The following TAF1B variants were observed in gnomAD, a reference collection of about 807,000 sequenced individuals.
The protein encoded by TAF1B is TATA-box binding protein associated factor, RNA polymerase I subunit B, also known as TATA box-binding protein-associated factor RNA polymerase I subunit B.
A neutral mutation model predicts 83.9 loss-of-function variants in TAF1B; 61 were observed. The ratio of observed to expected loss-of-function variants is 0.73; its 90% CI spans 0.59 to 0.90. The LOEUF (loss-of-function observed/expected upper bound fraction) is 0.90, where lower values mean the gene tolerates loss of function less well. Ranked by LOEUF, TAF1B falls within the 40% of genes least tolerant of loss-of-function variation. The pLI, the probability that TAF1B is intolerant of heterozygous loss-of-function variation, is 0.00. For synonymous variants in TAF1B, 221 were observed against 224.6 expected (o/e 0.98, Z 0.14); for missense variants, 625 against 677.0 (o/e 0.92, Z 0.85).
intron 4 of TAF1B, among the ~76,000 whole-genome samples, chr2:9,852,774 G>C (rs2125136151): frequency 6.6e-6 from 1 of 152,290 alleles, no homozygotes; most frequent in East Asian, 1.9e-4. Context: ...TTATAGGCAT[G>C]AGCCCCAGCA....
chr2:9,882,818 C>T lies in TAF1B; in HGVS notation c.807+13C>T, dbSNP rs1558248383. The T allele has an allele frequency of 5.8e-6, 9 of 1,555,384 alleles. No homozygotes were observed. The highest frequency in any genetic ancestry group is 7.9e-6 in the Non-Finnish European group (9 of 1,143,836). ...CTTTGGTATAGAGGTAAGTTATTTT[C>T]TTTTTTACTTTCTAGTCTCTGATAA... On this transcript the variant is annotated intron_variant, in intron 8 of 14. Transcript: ENST00000263663.
chr2:9,846,557 T>TA (rs1663213022), intron 2 of TAF1B, among the ~76,000 whole-genome samples: 2 of 152,368 alleles, frequency 1.3e-5, no homozygotes, highest in Non-Finnish European at 2.9e-5. Flanking sequence ...AGACCAGACT[T>TA]ACCTTTGTCC....
rs1356597225 is a variant in TAF1B at position 9,911,536 on chromosome 2, C to T, written c.1159C>T (p.His387Tyr). 4 of 1,519,520 alleles carry T rather than the reference C, an allele frequency of 2.6e-6. No homozygotes were observed. Among genetic ancestry groups the T allele is most frequent in the Non-Finnish European group, 3.5e-6 (4 of 1,126,936 alleles). 94.1% of individuals were successfully genotyped at this position (1,519,520 alleles called of 1,614,324 possible). A position where few individuals can be genotyped will look rare whatever the true frequency, so the allele number is the denominator to read the frequency against. The change falls in exon 11 of 15, where the codon CAT (histidine) becomes TAT (tyrosine). Residue 387 changes from histidine to tyrosine, a missense_variant. Physicochemically the swap from His to Tyr is moderately conservative, Grantham distance 83. Transcript: ENST00000263663. ...EWSLSNLAEKHNEKNKKDKPW... is the reference protein window; with the variant it reads ...EWSLSNLAEKYNEKNKKDKPW... ...GTCTTTGTCTAATCTTGCTGAAAAG[C>T]ATAATGAAAAGAACAAAAAAGGTAT... is the stretch of plus-strand genomic sequence containing the variant.
chr2:9,849,273 C>G lies in TAF1B; in HGVS notation c.118-100C>G, dbSNP rs568372095. 4 of 800,106 alleles carry G rather than the reference C, an allele frequency of 5.0e-6. No homozygotes were observed. The East Asian group carries it at 8.6e-5, about 17-fold the overall frequency. The allele number at this position is 800,106 out of a possible 1,614,324, so 49.6% of individuals were successfully genotyped here. On this transcript the variant is annotated intron_variant, in intron 2 of 14. Transcript: ENST00000263663. ...GATTTTACCATCCTTGGTCCTGGCA[C>G]TCACAATTTGGTTTATTATACTTTC...
intron 3 of TAF1B, among the ~76,000 whole-genome samples, chr2:9,850,177 T>C (rs1333895270): frequency 6.6e-6 from 1 of 152,204 alleles, no homozygotes; most frequent in Non-Finnish European, 1.5e-5. Context: ...CCTGATTAAC[T>C]TTTAAATTTT....
chr2:9,908,203 G>A (rs1329259871), intron 9 of TAF1B, among the ~76,000 whole-genome samples: 3 of 151,328 alleles, frequency 2.0e-5, no homozygotes, highest in Non-Finnish European at 4.4e-5. Flanking sequence ...CCGCCACCAC[G>A]CCTGGCTAAT....
intron 8 of TAF1B, among the ~76,000 whole-genome samples, chr2:9,884,836 G>T (rs896455492): frequency 6.6e-6 from 1 of 152,190 alleles, no homozygotes; most frequent in Non-Finnish European, 1.5e-5. Context: ...GTGGACGTGG[G>T]CATCCTTGTG....
At chr2:9,920,809 A>G (rs1665855984) in intron 14 of TAF1B, among the ~76,000 whole-genome samples, 1 of 152,208 alleles carries the variant, frequency 6.6e-6, no homozygotes. Flanking sequence ...TGTGAAGTCT[A>G]GAAAACAACA....
intron 14 of TAF1B, among the ~76,000 whole-genome samples, chr2:9,922,729 A>C (rs971228251): frequency 5.3e-5 from 8 of 152,086 alleles, no homozygotes; most frequent in African/African-American, 1.9e-4. Flanking sequence ...TGTAAGGAGG[A>C]CTCTGTTTTA....
At position 9,934,230 on chromosome 2, in the gene TAF1B, T is replaced by C; in HGVS notation, c.*246T>C. On this transcript the variant is annotated 3_prime_UTR_variant, in exon 15 of 15. Coordinates refer to ENST00000263663, the MANE Select transcript of TAF1B (RefSeq NM_005680.3). Reference sequence around the variant, plus strand: ...GTTAAAACAATAGCAAATTGTATAATTGTATCCAGAAATGTATACTCATCG... The same window carrying C: ...GTTAAAACAATAGCAAATTGTATAACTGTATCCAGAAATGTATACTCATCG... 2.7e-6 allele frequency: 1 copy of C among 367,488 alleles called. No individual in the cohort carries two copies. Among genetic ancestry groups the C allele is most frequent in the Non-Finnish European group, 4.9e-6 (1 of 203,074 alleles). 22.8% of individuals were successfully genotyped at this position (367,488 alleles called of 1,614,324 possible). A position where few individuals can be genotyped will look rare whatever the true frequency, so the allele number is the denominator to read the frequency against.
At chr2:9,911,333 C>G (rs1292014744) in intron 10 of TAF1B, among the ~76,000 whole-genome samples, 178 bp from the exon 11 acceptor site, 2 of 152,140 alleles carry the variant, frequency 1.3e-5, no homozygotes, top group East Asian at 3.9e-4. Flanking sequence ...CTCCCAGATG[C>G]CAACAAAGAG....
intron 4 of TAF1B, among the ~76,000 whole-genome samples, chr2:9,853,228 A>T (rs1197570841): frequency 6.6e-6 from 1 of 152,214 alleles, no homozygotes; most frequent in Non-Finnish European, 1.5e-5. Context: ...GCCAATGAGC[A>T]TAACTGTTTA....
At chr2:9,880,851 T>G (rs1052119118) in intron 7 of TAF1B, among the ~76,000 whole-genome samples, 1 of 152,194 alleles carries the variant, frequency 6.6e-6, no homozygotes, top group African/African-American at 2.4e-5. Flanking sequence ...CATTACATCT[T>G]GTATATAAAA....
chr2:9,863,775 A>T (rs1663862670), intron 5 of TAF1B, among the ~76,000 whole-genome samples: 1 of 152,266 alleles, frequency 6.6e-6, no homozygotes, highest in Admixed American at 6.5e-5. Flanking sequence ...ATCAAACTAG[A>T]ACTCAAGATT....
intron 6 of TAF1B, 192 bp downstream of exon 6, chr2:9,868,621 G>T: frequency 1.2e-6 from 1 of 830,270 alleles, no homozygotes. Flanking sequence ...TTTTTAAAAG[G>T]CACATTGTCT....
At chr2:9,888,794 T>TTTTTTTTG (rs1664765949) in intron 8 of TAF1B, among the ~76,000 whole-genome samples, 1 of 56,538 alleles carries the variant, frequency 1.8e-5, no homozygotes, top group Non-Finnish European at 6.3e-5. Flanking sequence ...TGCTTGGTTT[T>TTTTTTTTG]TTTTTTTTTT....
At chr2:9,857,143 A>G (rs1341821183) in intron 5 of TAF1B, among the ~76,000 whole-genome samples, 1 of 152,196 alleles carries the variant, frequency 6.6e-6, no homozygotes, top group African/African-American at 2.4e-5. Context: ...GAAGTGATGA[A>G]GAAAGTGAGA....
chr2:9,919,953 T>C, intron 14 of TAF1B, 133 bp downstream of exon 14: 2 of 814,726 alleles, frequency 2.5e-6, no homozygotes, highest in Non-Finnish European at 3.8e-6. Context: ...TTGAGTCTTG[T>C]GTAGGAGTTC....
chr2:9,876,861 A>G (rs1253790739), intron 7 of TAF1B, among the ~76,000 whole-genome samples: 3 of 152,216 alleles, frequency 2.0e-5, no homozygotes, highest in Non-Finnish European at 4.4e-5. Flanking sequence ...CTACATGGAA[A>G]GCACGTAGAG....
Sources: allele counts gnomAD v4.1 joint callset (sites outside exome capture counted in the v4.1 genomes callset), GRCh38; gene constraint gnomAD v4.1.1; transcripts MANE v1.5; gene names NCBI Gene and HGNC (gene_info 2026-07-23, HGNC 2026-07-21).